ZNF322: variants seen among roughly 807,000 people sequenced by gnomAD.
ZNF322 encodes the protein HLA complex group 12.
In ZNF322, 1 loss-of-function variant was observed where a neutral mutation model predicts 18.3. The observed-to-expected ratio is 0.05, with a 90% CI of 0.02 to 0.26. The LOEUF is 0.26. ZNF322 is among the 10% of genes least tolerant of loss of function. ZNF322 has a pLI of 1.00. For synonymous variants in ZNF322, 17 were observed against 130.7 expected, an observed-to-expected ratio of 0.13 and a Z score of 5.93; for missense variants, 36 against 403.6, an observed-to-expected ratio of 0.09 and a Z score of 7.80.
At chr6:26,644,402 G>A (rs1159801005) in intron 2 of ZNF322, among the ~76,000 whole-genome samples, 2 of 152,150 alleles carry the variant, frequency 1.3e-5, no homozygotes, top group Non-Finnish European at 2.9e-5. Context: ...GCAACATATA[G>A]GGCCATACAG....
intron 2 of ZNF322, among the ~76,000 whole-genome samples, chr6:26,648,048 T>A (rs781944550): frequency 2.0e-5 from 3 of 152,076 alleles, no homozygotes; most frequent in Admixed American, 6.6e-5. Context: ...TGGCTAACAT[T>A]TTTTATGAAT....
intron 3 of ZNF322, among the ~76,000 whole-genome samples, chr6:26,642,784 T>G (rs1190775096): frequency 6.6e-6 from 1 of 152,198 alleles, no homozygotes; most frequent in Non-Finnish European, 1.5e-5. Flanking sequence ...ATACTGGGGC[T>G]GGATTCCAGA....
chr6:26,641,754 C>A (rs112327561), intron 3 of ZNF322, among the ~76,000 whole-genome samples: 3 of 152,326 alleles, frequency 2.0e-5, no homozygotes, highest in African/African-American at 7.2e-5. Context: ...ATTCTCCAGT[C>A]TCAAGTACCC....
rs78301197 is a variant in ZNF322 at position 26,653,230 on chromosome 6, G to A, written c.-246+5328C>T. Among the ~76,000 whole-genome samples, 58 of 152,250 alleles carry A rather than the reference G, an allele frequency of 3.8e-4. No individual in the cohort carries two copies. In the East Asian group the frequency reaches 9.8e-3, roughly 26 times the overall value. On this transcript the variant is annotated intron_variant, in intron 2 of 3. Transcript: ENST00000415922. ...AAAAGGCATGACAATGCATTTTGCG[G>A]TCAACACTGTAAGGAAACAAACAAA...
At chr6:26,659,181 T>G (rs1765836548) in intron 1 of ZNF322, among the ~76,000 whole-genome samples, 1 of 152,216 alleles carries the variant, frequency 6.6e-6, no homozygotes, top group African/African-American at 2.4e-5. Flanking sequence ...TTCAAGGTCC[T>G]TTTTTTCCTC....
At position 26,634,464 on chromosome 6, in the gene ZNF322, C is replaced by A. The variant is rs1238454073; in HGVS notation, c.*2881G>T. On this transcript the variant is annotated 3_prime_UTR_variant, in exon 4 of 4. Coordinates refer to ENST00000415922, the MANE Select transcript of ZNF322 (RefSeq NM_024639.5). ...AGCATAGGAATACATCAACTGAATA[C>A]AAGTTGTCTTGTTTGGTCTGAAATC... is the stretch of plus-strand genomic sequence containing the variant. 1.3e-5 allele frequency: 2 copies of A among 150,348 alleles called. No individual in the cohort carries two copies. The highest frequency in any genetic ancestry group is 6.7e-5 in the Admixed American group (1 of 14,996). 9.3% of individuals were successfully genotyped at this position (150,348 alleles called of 1,614,324 possible).
At position 26,634,536 on chromosome 6, in the gene ZNF322, C is replaced by T. The variant is rs1446948612; in HGVS notation, c.*2809G>A. 5 of 135,706 alleles carry T rather than the reference C, an allele frequency of 3.7e-5. No individual in the cohort carries two copies. The highest frequency in any genetic ancestry group is 7.8e-5 in the Non-Finnish European group (5 of 64,034). The allele number at this position is 135,706 out of a possible 1,614,324, so 8.4% of individuals were successfully genotyped here. ...CTTACCTGAGGTAGATTTAGGTTGG[C>T]ACTGCTTCAAGGGAACCTCCGTCCA... On this transcript the variant is annotated 3_prime_UTR_variant, in exon 4 of 4. Coordinates refer to ENST00000415922, the MANE Select transcript of ZNF322 (RefSeq NM_024639.5).
chr6:26,638,785 A>G (rs897473357), intron 3 of ZNF322, 57 bp from the exon 4 acceptor site: 1 of 646,104 alleles, frequency 1.5e-6, no homozygotes, highest in African/African-American at 1.9e-5. Flanking sequence ...AAGAATTCTC[A>G]AAATTAAAAT....
chr6:26,648,613 CA>C (rs1288807742), intron 2 of ZNF322, among the ~76,000 whole-genome samples: 1 of 152,182 alleles, frequency 6.6e-6, no homozygotes, highest in African/African-American at 2.4e-5. Flanking sequence ...AAATTTGCCA[CA>C]CAGAAACCAC....
intron 2 of ZNF322, among the ~76,000 whole-genome samples, chr6:26,644,672 C>T (rs539005077): frequency 1.3e-5 from 2 of 152,190 alleles, no homozygotes; most frequent in Admixed American, 6.5e-5. Flanking sequence ...CCCTTTTGGT[C>T]CTCTTCAGTA....
Position 26,638,189 on chromosome 6 carries a change from G to A in ZNF322, c.365C>T (p.Ala122Val), listed in dbSNP as rs111265204. ...GTCACATGTATAGAATTTTTTACCT[G>A]CATGTGTTCTCTGATGTCCTGAAAG... ...LALSGHQRTH[A>V]GKKFYTCDIC... Residue 122 changes from alanine to valine, a missense_variant, in exon 4 of 4, where the codon GCA becomes GTA. Physicochemically the swap from Ala to Val is moderately conservative, Grantham distance 64. Transcript: ENST00000415922. 28,410 of 1,613,632 alleles carry A rather than the reference G, an allele frequency of 0.018. 633 individuals carry two copies. Among genetic ancestry groups the A allele is most frequent in the African/African-American group, 0.11 (8,119 of 74,872 alleles).
chr6:26,647,152 T>C (rs1174001210), intron 2 of ZNF322, among the ~76,000 whole-genome samples: 2 of 151,632 alleles, frequency 1.3e-5, no homozygotes, highest in African/African-American at 2.4e-5. Context: ...TTTAAATAAA[T>C]AAGTAGGTAT....
At chr6:26,644,970 C>T (rs916377098) in intron 2 of ZNF322, among the ~76,000 whole-genome samples, 2 of 152,144 alleles carry the variant, frequency 1.3e-5, no homozygotes, top group African/African-American at 4.8e-5. Flanking sequence ...TCCCTCCCCC[C>T]GCACCTTGCT....
At chr6:26,641,178 A>G (rs937175026) in intron 3 of ZNF322, among the ~76,000 whole-genome samples, 3 of 152,230 alleles carry the variant, frequency 2.0e-5, no homozygotes, top group African/African-American at 7.2e-5. Flanking sequence ...ACTTTTACTC[A>G]ATTTTATTGT....
rs530654460 is a variant in ZNF322 at position 26,643,479 on chromosome 6, G to A, written c.-176+180C>T. Among the ~76,000 whole-genome samples the A allele has an allele frequency of 6.6e-5, 10 of 152,286 alleles. No individual in the cohort carries two copies. The South Asian group carries it at 1.4e-3, about 22-fold the overall frequency. ...TCCTTACCATATACAGTAATGCCAG[G>A]TACAAAGTTGGTGCTTAATAAGCAT... On this transcript the variant is annotated intron_variant, in intron 3 of 3. Transcript: ENST00000415922.
intron 2 of ZNF322, among the ~76,000 whole-genome samples, chr6:26,657,188 T>C (rs1765794402): frequency 6.6e-6 from 1 of 151,502 alleles, no homozygotes; most frequent in Non-Finnish European, 1.5e-5. Flanking sequence ...AGGCAGAGCT[T>C]GCAGTGAGCT....
At chr6:26,651,619 G>A (rs1384425942) in intron 2 of ZNF322, 1 of 152,134 alleles carries the variant, frequency 6.6e-6, no homozygotes, top group African/African-American at 2.4e-5. Flanking sequence ...AATGGTATGT[G>A]AGGTAATATA....
intron 2 of ZNF322, among the ~76,000 whole-genome samples, chr6:26,649,653 G>C (rs1282394705): frequency 4.8e-5 from 2 of 41,994 alleles, no homozygotes; most frequent in Admixed American, 4.8e-4. Context: ...GTGTGTGTGT[G>C]TGTGTGTGTG....
At chr6:26,646,085 A>C (rs1009416245) in intron 2 of ZNF322, among the ~76,000 whole-genome samples, 1 of 151,650 alleles carries the variant, frequency 6.6e-6, no homozygotes, top group Non-Finnish European at 1.5e-5. Flanking sequence ...ATCTAAGTAC[A>C]AAAGTAGCTA....
Sources: allele counts gnomAD v4.1 joint callset (sites outside exome capture counted in the v4.1 genomes callset), GRCh38; gene constraint gnomAD v4.1.1; transcripts MANE v1.5; gene names NCBI Gene and HGNC (gene_info 2026-07-23, HGNC 2026-07-21).